The following SORBS2 variants were observed in gnomAD, a reference collection of about 807,000 sequenced individuals.
SORBS2 encodes sorbin and SH3 domain-containing protein 2.
SORBS2 carries 46 observed loss-of-function variants against 97.7 expected under a neutral mutation model. That is an observed-to-expected ratio of 0.47 (90% CI 0.37 to 0.60). The LOEUF (loss-of-function observed/expected upper bound fraction) is 0.60. Among genes scored for constraint, SORBS2 ranks in the 20% least tolerant of loss-of-function variants. The pLI is 0.00. For synonymous variants in SORBS2, 476 were observed against 473.4 expected (o/e 1.01, Z -0.07); for missense variants, 1,316 against 1,282.3 (o/e 1.03, Z -0.40).
intron 2 of SORBS2, among the ~76,000 whole-genome samples, chr4:185,763,957 G>A (rs1237442048): frequency 1.3e-5 from 2 of 152,154 alleles, no homozygotes; most frequent in Non-Finnish European, 2.9e-5. Context: ...CTGCCAAATG[G>A]TAATGAAAAG....
At chr4:185,768,346 G>A (rs991454036) in intron 2 of SORBS2, among the ~76,000 whole-genome samples, 2 of 152,154 alleles carry the variant, frequency 1.3e-5, no homozygotes, top group African/African-American at 4.8e-5. Context: ...TTTTAAGATT[G>A]CATTTCAAGA....
At position 185,651,947 on chromosome 4, in the gene SORBS2, C is replaced by T. The variant is rs893422993; in HGVS notation, c.91+715G>A. 1.8e-5 allele frequency: 12 copies of T among 657,906 alleles called. No individual in the cohort carries two copies. In the African/African-American group the frequency reaches 2.3e-4, roughly 12 times the overall value. 40.8% of individuals were successfully genotyped at this position (657,906 alleles called of 1,614,324 possible). ...GAAAAGCAACGTATTTTTCCTAGTTCATAATGCCATTTTCTTTCTTTTTTT... is the reference window on the plus strand; with the variant it reads ...GAAAAGCAACGTATTTTTCCTAGTTTATAATGCCATTTTCTTTCTTTTTTT... On this transcript the variant is annotated intron_variant, in intron 2 of 14. Coordinates refer to ENST00000418609, the Ensembl canonical transcript of SORBS2.
At chr4:185,678,187 T>G (rs1031629308) in intron 4 of SORBS2, among the ~76,000 whole-genome samples, 2 of 152,190 alleles carry the variant, frequency 1.3e-5, no homozygotes, top group South Asian at 4.1e-4. Context: ...GAGATTATGT[T>G]AAAAACCGAC....
chr4:185,694,034 A>G (rs1020536797), intron 2 of SORBS2, among the ~76,000 whole-genome samples: 2 of 152,236 alleles, frequency 1.3e-5, no homozygotes, highest in African/African-American at 2.4e-5. Context: ...CCAAGTCGTT[A>G]AAAGAAGAAT....
At chr4:185,839,884 T>A (rs2099210445) in intron 1 of SORBS2, among the ~76,000 whole-genome samples, 1 of 152,210 alleles carries the variant, frequency 6.6e-6, no homozygotes, top group South Asian at 2.1e-4. Flanking sequence ...CAGGGCACAC[T>A]GGCCTCAGAA....
At chr4:185,597,163 G>C (rs987860484) in intron 12 of SORBS2, among the ~76,000 whole-genome samples, 1 of 152,212 alleles carries the variant, frequency 6.6e-6, no homozygotes, top group African/African-American at 2.4e-5. Flanking sequence ...AGCAAGAACA[G>C]TTATCTAAGA....
chr4:185,721,149 A>C (rs924372397), intron 2 of SORBS2, among the ~76,000 whole-genome samples: 3 of 129,700 alleles, frequency 2.3e-5, no homozygotes, highest in Non-Finnish European at 1.5e-5. Flanking sequence ...GATCTGGCTC[A>C]CTGCAACCTC....
intron 2 of SORBS2, among the ~76,000 whole-genome samples, chr4:185,706,563 A>G (rs540527890): frequency 6.6e-6 from 1 of 152,208 alleles, no homozygotes; most frequent in African/African-American, 2.4e-5. Context: ...AAACATCTAC[A>G]CACCAACCAT....
At chr4:185,781,653 C>CCTCCCTTCCATT (rs2099031087) in intron 1 of SORBS2, among the ~76,000 whole-genome samples, 3 of 41,744 alleles carry the variant, frequency 7.2e-5, no homozygotes, top group Admixed American at 1.7e-4. Flanking sequence ...GCCTCTCCAG[C>CCTCCCTTCCATT]GTCCCTTCCA....
intron 1 of SORBS2, among the ~76,000 whole-genome samples, chr4:185,910,804 A>C (rs2099254570): frequency 6.6e-6 from 1 of 152,220 alleles, no homozygotes; most frequent in South Asian, 2.1e-4. Flanking sequence ...AACAGGTATC[A>C]CAGACTGTAT....
At chr4:185,611,813 A>G (rs769065819) in exon 12 of SORBS2, 1 of 1,614,140 alleles carries the variant, frequency 6.2e-7, no homozygotes, top group South Asian at 1.1e-5. Flanking sequence ...TCCTATCACT[A>G]GAATAGCTGT....
intron 2 of SORBS2, among the ~76,000 whole-genome samples, chr4:185,766,212 G>A (rs992407402): frequency 1.3e-5 from 2 of 152,082 alleles, no homozygotes; most frequent in African/African-American, 4.8e-5. Context: ...AACAATTCCT[G>A]GCTGAGTCCC....
intron 4 of SORBS2, among the ~76,000 whole-genome samples, chr4:185,663,261 A>G (rs934047127): frequency 1.3e-5 from 2 of 152,226 alleles, no homozygotes; most frequent in Non-Finnish European, 2.9e-5. Context: ...AAACTTTTCT[A>G]CTTATTTTAA....
rs1422422064 is a variant in SORBS2, at chr4:185,684,804, G to A, written c.-197-5982C>T. 8 of 1,551,954 alleles carry A rather than the reference G, an allele frequency of 5.2e-6. No homozygotes were observed. Among genetic ancestry groups the A allele is most frequent in the East Asian group, 4.9e-5 (2 of 40,922 alleles). On this transcript the variant is annotated intron_variant, in intron 2 of 20. Coordinates refer to the SORBS2 transcript ENST00000284776. The surrounding 1 kb of genome is among the most constrained non-coding windows in gnomAD (Gnocchi z 4.2). ...TTGCACTCTCTTCACAGATGTTAGC[G>A]TAACAGACATGGCGGCACGTTTGCG...
At chr4:185,932,644 G>T (rs2099267029) in intron 1 of SORBS2, among the ~76,000 whole-genome samples, 1 of 152,136 alleles carries the variant, frequency 6.6e-6, no homozygotes, top group African/African-American at 2.4e-5. Context: ...CAATGTCACT[G>T]CATTGCAGGG....
chr4:185,655,567 C>T (rs1055396787), intron 1 of SORBS2, among the ~76,000 whole-genome samples: 1 of 152,224 alleles, frequency 6.6e-6, no homozygotes, highest in African/African-American at 2.4e-5. Context: ...ATAAAAATTA[C>T]AGTTCCTTAT....
At position 185,904,116 on chromosome 4, in the gene SORBS2, C is replaced by T. The variant is rs73021807; in HGVS notation, c.-338+52080G>A. Among the ~76,000 whole-genome samples, 1,154 of 152,286 alleles carry T rather than the reference C, an allele frequency of 7.6e-3. 20 individuals carry two copies. The highest frequency in any genetic ancestry group is 0.027 in the African/African-American group (1,103 of 41,556). On this transcript the variant is annotated intron_variant, in intron 1 of 20. Coordinates refer to the SORBS2 transcript ENST00000284776. The stretch of plus-strand genomic sequence containing the variant: ...ATTTTACTTACCTGAGAACTGTGGT[C>T]TCTTATCATGACTTCAGTTTTCTAA...
intron 1 of SORBS2, among the ~76,000 whole-genome samples, chr4:185,949,799 T>C (rs1233452985): frequency 6.6e-6 from 1 of 152,134 alleles, no homozygotes; most frequent in East Asian, 1.9e-4. Flanking sequence ...ATTTGGGAAC[T>C]ATAACTGACA....
At chr4:185,763,821 T>G (rs1432024462) in intron 2 of SORBS2, among the ~76,000 whole-genome samples, 1 of 152,222 alleles carries the variant, frequency 6.6e-6, no homozygotes, top group African/African-American at 2.4e-5. Flanking sequence ...TTATCCATTT[T>G]GTCAAAACTC....
Sources: allele counts gnomAD v4.1 joint callset (sites outside exome capture counted in the v4.1 genomes callset), GRCh38; gene constraint gnomAD v4.1.1; non-coding constraint Gnocchi (gnomAD v3.1); transcripts MANE v1.5; gene names NCBI Gene and HGNC (gene_info 2026-07-23, HGNC 2026-07-21).